Variants in NDUFS4 observed in about 807,000 individuals in gnomAD.
NDUFS4 encodes the protein NADH dehydrogenase [ubiquinone] iron-sulfur protein 4, mitochondrial.
Under a neutral mutation model 24.3 loss-of-function variants are expected in NDUFS4, and 28 were observed. The ratio of observed to expected loss-of-function variants is 1.15; its 90% confidence interval spans 0.85 to 1.58. NDUFS4 has a LOEUF of 1.58. NDUFS4 is among the 40% of genes most tolerant of loss of function. NDUFS4 has a pLI of 0.00. For synonymous variants in NDUFS4, 93 were observed against 69.7 expected (o/e 1.34, Z -1.67); for missense variants, 223 against 207.9 (o/e 1.07, Z -0.45).
At chr5:53,569,667 C>T (rs1749148442) in intron 1 of NDUFS4, among the ~76,000 whole-genome samples, 1 of 152,122 alleles carries the variant, frequency 6.6e-6, no homozygotes, top group South Asian at 2.1e-4. Flanking sequence ...TTCTTTGAAA[C>T]TGTATAGAAC....
chr5:53,635,651 T>C (rs1297327418), intron 2 of NDUFS4, among the ~76,000 whole-genome samples: 1 of 152,238 alleles, frequency 6.6e-6, no homozygotes, highest in Non-Finnish European at 1.5e-5. Flanking sequence ...AAAAATGTAT[T>C]AGTTTAATAA....
intron 4 of NDUFS4, among the ~76,000 whole-genome samples, chr5:53,661,716 C>T (rs916000188): frequency 7.9e-5 from 12 of 152,260 alleles, no homozygotes; most frequent in South Asian, 2.1e-4. Flanking sequence ...AGGTCCTTCA[C>T]GAAGTCCCGT....
intron 1 of NDUFS4, among the ~76,000 whole-genome samples, chr5:53,588,260 G>C (rs1448972913): frequency 6.6e-6 from 1 of 152,114 alleles, no homozygotes; most frequent in African/African-American, 2.4e-5. Flanking sequence ...GAATGTTAAC[G>C]ATCATCTGAG....
intron 2 of NDUFS4, among the ~76,000 whole-genome samples, chr5:53,619,709 CTAATG>C (rs1206023136): frequency 6.6e-6 from 1 of 151,944 alleles, no homozygotes; most frequent in Non-Finnish European, 1.5e-5. Context: ...ACACTAATAT[CTAATG>C]TATTTATATG....
intron 2 of NDUFS4, among the ~76,000 whole-genome samples, chr5:53,613,602 GT>G (rs141354354): frequency 0.048 from 6,398 of 132,966 alleles, 467 homozygotes; most frequent in African/African-American, 0.16. Context: ...AGCAACTATA[GT>G]TTTTTTTTTT....
chr5:53,598,263 A>G (rs976323608), intron 1 of NDUFS4, among the ~76,000 whole-genome samples: 3 of 152,226 alleles, frequency 2.0e-5, no homozygotes, highest in African/African-American at 7.2e-5. Context: ...TTACCCAAAC[A>G]AGTGGCAAAT....
intron 4 of NDUFS4, among the ~76,000 whole-genome samples, chr5:53,682,336 T>C (rs1740693754): frequency 6.6e-6 from 1 of 151,954 alleles, no homozygotes; most frequent in African/African-American, 2.4e-5. Flanking sequence ...ATATAAATAC[T>C]CAGAAGAGAA....
chr5:53,683,186 T>C lies in NDUFS4; in HGVS notation c.493T>C (p.Ser165Pro), dbSNP rs529719164. ...PKSKSYGANF[S>P]WNKRTRVSTK The stretch of plus-strand genomic sequence containing the variant: ...GTCCAAGTCTTATGGTGCAAACTTT[T>C]CTTGGAACAAAAGAACAAGAGTATC... Residue 165 changes from serine (S) to proline (P), a missense_variant, in exon 5 of 5, where the codon TCT becomes CCT. Ser to Pro is a moderately conservative substitution (Grantham distance 74, BLOSUM62 -1). Transcript: ENST00000296684. The C allele has an allele frequency of 1.9e-6, 3 of 1,612,086 alleles. No homozygotes were observed. The highest frequency in any genetic ancestry group is 1.3e-5 in the African/African-American group (1 of 74,922).
At chr5:53,599,866 C>G (rs1031512920) in intron 1 of NDUFS4, among the ~76,000 whole-genome samples, 1 of 152,010 alleles carries the variant, frequency 6.6e-6, no homozygotes, top group Non-Finnish European at 1.5e-5. Flanking sequence ...TATTTTCCTT[C>G]CATCTACCAT....
chr5:53,655,142 TAA>T (rs1253398475), intron 3 of NDUFS4, among the ~76,000 whole-genome samples: 2 of 152,214 alleles, frequency 1.3e-5, no homozygotes, highest in Non-Finnish European at 2.9e-5. Flanking sequence ...TATTGCTTTT[TAA>T]ACTTTATTGA....
At chr5:53,562,873 C>A (rs998998834) in intron 1 of NDUFS4, among the ~76,000 whole-genome samples, 3 of 152,020 alleles carry the variant, frequency 2.0e-5, no homozygotes, top group African/African-American at 7.2e-5. Context: ...TGTAACATTT[C>A]AGATCATTTG....
At chr5:53,682,519 C>CAGATAGAT (rs67904129) in intron 4 of NDUFS4, among the ~76,000 whole-genome samples, 3 of 151,508 alleles carry the variant, frequency 2.0e-5, no homozygotes, top group East Asian at 3.9e-4. Context: ...CCAATTAGTG[C>CAGATAGAT]AGATAGATAG....
chr5:53,622,717 T>C (rs1002413239), intron 2 of NDUFS4, among the ~76,000 whole-genome samples: 2 of 152,204 alleles, frequency 1.3e-5, no homozygotes, highest in Admixed American at 6.5e-5. Context: ...CCAGTTTCCT[T>C]TTTTGAAAAA....
chr5:53,660,569 T>C (rs1752305019), intron 4 of NDUFS4, among the ~76,000 whole-genome samples: 1 of 152,144 alleles, frequency 6.6e-6, no homozygotes, highest in Non-Finnish European at 1.5e-5. Context: ...CCTGAGGAAT[T>C]GCCACACTGA....
intron 3 of NDUFS4, among the ~76,000 whole-genome samples, chr5:53,646,786 A>G (rs1324849970): frequency 6.6e-6 from 1 of 152,184 alleles, no homozygotes; most frequent in Non-Finnish European, 1.5e-5. Flanking sequence ...GACTACCCTT[A>G]ATATAACTTT....
chr5:53,567,536 AAT>A (rs527594708), intron 1 of NDUFS4, among the ~76,000 whole-genome samples: 2 of 152,174 alleles, frequency 1.3e-5, no homozygotes, highest in African/African-American at 4.8e-5. Flanking sequence ...GCTCTTAAAA[AAT>A]ATATATAACA....
chr5:53,586,244 G>C (rs1052670975), intron 1 of NDUFS4, among the ~76,000 whole-genome samples: 1 of 148,096 alleles, frequency 6.8e-6, no homozygotes, highest in Admixed American at 6.8e-5. Flanking sequence ...CAGGAGAATC[G>C]TATGAACCTG....
intron 3 of NDUFS4, among the ~76,000 whole-genome samples, chr5:53,648,735 A>G (rs1319609216): frequency 1.3e-5 from 2 of 152,196 alleles, no homozygotes; most frequent in African/African-American, 4.8e-5. Flanking sequence ...ACTATGAGAC[A>G]CAGGACTGCC....
chr5:53,659,411 T>C (rs1752263508), intron 4 of NDUFS4, among the ~76,000 whole-genome samples: 1 of 152,180 alleles, frequency 6.6e-6, no homozygotes, highest in Non-Finnish European at 1.5e-5. Context: ...TTAATGTTTC[T>C]CAGTTGAAAT....
Sources: gnomAD v4.1 joint callset for allele counts (sites outside exome capture counted in the v4.1 genomes callset) on GRCh38, gnomAD v4.1.1 for gene constraint, MANE v1.5 for transcripts, NCBI Gene and HGNC (gene_info 2026-07-23, HGNC 2026-07-21) for gene names.